LDB3: variants seen among roughly 807,000 people sequenced by gnomAD.
The protein encoded by LDB3 is LIM domain binding 3, also known as LIM domain-binding protein 3.
A neutral mutation model predicts 69.0 loss-of-function variants in LDB3; 49 were observed. The ratio of observed to expected loss-of-function variants is 0.71; its 90% CI spans 0.56 to 0.90. The LOEUF (loss-of-function observed/expected upper bound fraction) is 0.90, where lower values mean the gene tolerates loss of function less well. LDB3 is among the 40% of genes least tolerant of loss of function. The pLI is 0.00. For synonymous variants in LDB3, 387 were observed against 396.2 expected (o/e 0.98, Z 0.28); for missense variants, 928 against 974.1 (o/e 0.95, Z 0.63).
At chr10:86,668,057 G>A (rs533400769), upstream of LDB3, among the ~76,000 whole-genome samples, 1 of 152,184 alleles carries the variant, frequency 6.6e-6, no homozygotes, top group Non-Finnish European at 1.5e-5. Flanking sequence ...TATGATGATC[G>A]TTTTTATGGC....
intron 6 of LDB3, among the ~76,000 whole-genome samples, 180 bp from the exon 7 acceptor site, chr10:86,692,355 A>AC (rs1845806885): frequency 6.7e-6 from 1 of 150,304 alleles, no homozygotes; most frequent in Admixed American, 6.7e-5. Context: ...CTCTCAGGCT[A>AC]CCCCCTGACT....
In LDB3 at chr10:86,668,715, T is replaced by G. The variant is rs1269874524; in HGVS notation, c.24T>G (p.Thr8=). 1 of 1,613,380 alleles carries G rather than the reference T, an allele frequency of 6.2e-7. No homozygotes were observed. The highest frequency in any genetic ancestry group is 1.7e-5 in the Admixed American group (1 of 60,014). ...GCATGTCTTACAGTGTGACCCTGAC[T>G]GGGCCCGGGCCCTGGGGCTTCCGTC... MSYSVTL[T]GPGPWGFRLQ... is the part of the protein sequence containing the mutation. The change falls in exon 2 of 14, where the codon ACT becomes ACG. Residue 8 remains threonine (T), a synonymous_variant. Transcript: ENST00000361373.
At chr10:86,667,404 C>G (rs1844223795), upstream of LDB3, among the ~76,000 whole-genome samples, 1 of 152,162 alleles carries the variant, frequency 6.6e-6, no homozygotes, top group African/African-American at 2.4e-5. Context: ...ATCTCCAGAC[C>G]ACATAGGGGC....
intron 2 of LDB3, 34 bp downstream of exon 2, chr10:86,668,818 G>GGGGC: frequency 6.5e-7 from 1 of 1,531,964 alleles, no homozygotes; most frequent in Non-Finnish European, 9.0e-7. Flanking sequence ...GGCACCCGAT[G>GGGGC]GGGCAGGCAC....
At chr10:86,673,338 G>A (rs1564629113) in intron 2 of LDB3, among the ~76,000 whole-genome samples, 1 of 152,208 alleles carries the variant, frequency 6.6e-6, no homozygotes, top group Non-Finnish European at 1.5e-5. Context: ...TGATATGCGT[G>A]GAATAATGGG....
intron 7 of LDB3, among the ~76,000 whole-genome samples, chr10:86,693,558 T>C (rs924625785): frequency 3.3e-5 from 5 of 152,234 alleles, no homozygotes; most frequent in African/African-American, 1.2e-4. Context: ...ACCAACACTT[T>C]TGCCAACTCA....
In LDB3 at chr10:86,706,588, C is replaced by T. The variant is rs45603139; in HGVS notation, c.954C>T (p.Pro318=). 2.8e-4 allele frequency: 457 copies of T among 1,613,196 alleles called. 1 individual carries two copies. The African/African-American group carries it at 5.0e-3, about 18-fold the overall frequency. ...GCCAGGCCACCACCCCGCTGCTGCC[C>T]GCTTCTGCCCAGCCACCTGCTGCTG... is the stretch of plus-strand genomic sequence containing the variant. ...CTSQATTPLL[P]ASAQPPAAAS... The change falls in exon 8 of 14, where the codon CCC becomes CCT. Residue 318 remains proline (P), a synonymous_variant. Coordinates refer to ENST00000361373, the MANE Select transcript of LDB3 (RefSeq NM_007078.3).
chr10:86,691,792 G>T, intron 5 of LDB3, 104 bp from the exon 6 acceptor site: 1 of 1,313,930 alleles, frequency 7.6e-7, no homozygotes. Flanking sequence ...GGCAAGGTGG[G>T]GACAGAACGA....
rs1470708945 is a variant in LDB3, at chr10:86,699,944, G to A, written c.897-6587G>A. ...ACCCCTCCTGGCAGTGGTGAGGTGG[G>A]GGCATGCACCCTCCTTTCTGTACCG... On this transcript the variant is annotated intron_variant, in intron 7 of 13. Transcript: ENST00000361373. This position sits in a 1 kb window ranked among gnomAD's most constrained non-coding sequence, Gnocchi z 4.9. The A allele has an allele frequency of 6.0e-6, 6 of 1,003,156 alleles. No homozygotes were observed. Among genetic ancestry groups the A allele is most frequent in the Non-Finnish European group, 7.1e-6 (6 of 839,678 alleles). The allele number at this position is 1,003,156 out of a possible 1,614,324, so 62.1% of individuals were successfully genotyped here.
Position 86,681,575 on chromosome 10 carries a change from C to T in LDB3, c.461C>T (p.Ser154Leu), listed in dbSNP as rs1410269299. 8.7e-6 allele frequency: 14 copies of T among 1,612,924 alleles called. No homozygotes were observed. The South Asian group carries it at 1.5e-4, about 18-fold the overall frequency. ...TTCTCCCGGCCCTCCGCCTTCTCCT[C>T]ACTCGCCGAGGCCTCTGACCCTGGC... ...PAFSRPSAFS[S>L]LAEASDPGPP... Residue 154 changes from serine to leucine, a missense_variant, in exon 5 of 14, where the codon TCA (serine) becomes TTA (leucine). Transcript: ENST00000361373.
intron 2 of LDB3, among the ~76,000 whole-genome samples, chr10:86,671,432 G>T (rs1439085955): frequency 1.3e-5 from 2 of 152,176 alleles, no homozygotes; most frequent in Admixed American, 1.3e-4. Context: ...GCCCCTCAAG[G>T]CATCCCTTCA....
intron 7 of LDB3, among the ~76,000 whole-genome samples, chr10:86,693,238 G>T (rs959001383): frequency 6.6e-6 from 1 of 152,182 alleles, no homozygotes; most frequent in Non-Finnish European, 1.5e-5. Flanking sequence ...GGGCATGGGG[G>T]GGGGCATGCC....
In LDB3 at chr10:86,681,814, G is replaced by A. The variant is rs760901326; in HGVS notation, c.689+11G>A. 3.2e-6 allele frequency: 5 copies of A among 1,583,690 alleles called. No homozygotes were observed. The highest frequency in any genetic ancestry group is 4.3e-6 in the Non-Finnish European group (5 of 1,166,746). On this transcript the variant is annotated intron_variant, in intron 5 of 13. Coordinates refer to ENST00000361373, the MANE Select transcript of LDB3 (RefSeq NM_007078.3). Reference sequence around the variant, plus strand: ...CGGACTCCCAGGAGGGTAGGTAACGGACATACAGCTCTCCACAGGTGGCCT... The same window carrying A: ...CGGACTCCCAGGAGGGTAGGTAACGAACATACAGCTCTCCACAGGTGGCCT...
chr10:86,735,049 GT>G lies in LDB3; in HGVS notation c.*2076del, dbSNP rs1847580488. On this transcript the variant is annotated 3_prime_UTR_variant, in exon 14 of 14. Transcript: ENST00000361373. ...AGTTTCCAAAATCTCTTTTTAAAGGGTTTACACACACACACACACACACACA... is the reference window on the plus strand; with the variant it reads ...AGTTTCCAAAATCTCTTTTTAAAGGGTTACACACACACACACACACACACA... The G allele has an allele frequency of 5.3e-5, 6 of 113,202 alleles. No individual in the cohort carries two copies. In the Admixed American group the frequency reaches 5.9e-4, roughly 11 times the overall value. 7.0% of individuals were successfully genotyped at this position (113,202 alleles called of 1,614,324 possible).
chr10:86,694,755 G>A (rs980301813), intron 7 of LDB3, among the ~76,000 whole-genome samples: 4 of 152,176 alleles, frequency 2.6e-5, no homozygotes, highest in Non-Finnish European at 5.9e-5. Flanking sequence ...GTGATCACTG[G>A]TCATGACTGG....
intron 2 of LDB3, among the ~76,000 whole-genome samples, chr10:86,672,818 C>T (rs1458625884): frequency 6.6e-6 from 1 of 152,250 alleles, no homozygotes; most frequent in Non-Finnish European, 1.5e-5. Context: ...CTTGGAGGCC[C>T]CTGGGCCAGG....
At chr10:86,732,727 C>T in intron 13 of LDB3, 160 bp from the exon 14 acceptor site, 2 of 631,604 alleles carry the variant, frequency 3.2e-6, no homozygotes, top group Non-Finnish European at 5.9e-6. Flanking sequence ...TGGTCTTGGA[C>T]TCCTGACCTC....
intron 5 of LDB3, among the ~76,000 whole-genome samples, chr10:86,687,830 C>T (rs1012532291): frequency 1.3e-4 from 20 of 152,230 alleles, no homozygotes; most frequent in African/African-American, 4.8e-4. Context: ...TTTAAGACAT[C>T]CTTGGTTCCT....
At chr10:86,732,003 C>CTTTTTTTTTTTTTTTT (rs755552822) in intron 13 of LDB3, among the ~76,000 whole-genome samples, 1 of 123,220 alleles carries the variant, frequency 8.1e-6, no homozygotes, top group African/African-American at 3.2e-5. Flanking sequence ...TTCTTTCTTT[C>CTTTTTTTTTTTTTTTT]TTTTTCTTTT....
Sources: gnomAD v4.1 joint callset for allele counts (sites outside exome capture counted in the v4.1 genomes callset) on GRCh38, gnomAD v4.1.1 for gene constraint, Gnocchi (gnomAD v3.1) non-coding constraint, MANE v1.5 for transcripts, NCBI Gene and HGNC (gene_info 2026-07-23, HGNC 2026-07-21) for gene names.